HECW2: variants seen among roughly 807,000 people sequenced by gnomAD.
The protein encoded by HECW2 is E3 ubiquitin-protein ligase HECW2.
HECW2 carries 61 observed loss-of-function variants against 175.2 expected under a neutral mutation model. The ratio of observed to expected loss-of-function variants is 0.35; its 90% CI spans 0.28 to 0.43. The LOEUF is 0.43. HECW2 is among the 20% of genes least tolerant of loss of function. The pLI is 1.00. For synonymous variants in HECW2, 671 were observed against 731.0 expected (o/e 0.92, Z 1.32); for missense variants, 1,524 against 2,000.5 (o/e 0.76, Z 4.54).
At chr2:196,234,251 C>T (rs1251289041) in intron 21 of HECW2, among the ~76,000 whole-genome samples, 6 of 151,700 alleles carry the variant, frequency 4.0e-5, no homozygotes, top group Non-Finnish European at 5.9e-5. Context: ...TGGCCCCACG[C>T]CTTATCAGAA....
chr2:196,411,583 A>G (rs1306210010), intron 2 of HECW2, among the ~76,000 whole-genome samples: 2 of 152,260 alleles, frequency 1.3e-5, no homozygotes, highest in Non-Finnish European at 1.5e-5. Flanking sequence ...GAAATGCCCA[A>G]GCTCAGGAGA....
At chr2:196,486,628 C>T (rs1216290473) in intron 1 of HECW2, among the ~76,000 whole-genome samples, 1 of 152,158 alleles carries the variant, frequency 6.6e-6, no homozygotes, top group Non-Finnish European at 1.5e-5. Context: ...GAAGAAGACA[C>T]AGGGAATGAA....
intron 18 of HECW2, among the ~76,000 whole-genome samples, chr2:196,256,060 G>C (rs894390070): frequency 6.6e-6 from 1 of 152,094 alleles, no homozygotes; most frequent in Non-Finnish European, 1.5e-5. Flanking sequence ...GCAACAGAGC[G>C]AGACTGCACC....
At chr2:196,449,120 T>A (rs760532716) in intron 1 of HECW2, among the ~76,000 whole-genome samples, 3 of 152,134 alleles carry the variant, frequency 2.0e-5, no homozygotes, top group South Asian at 2.1e-4. Context: ...CCTAAAGATA[T>A]GGGGAAAAAG....
chr2:196,257,610 G>A (rs780048495), intron 18 of HECW2: 34 of 563,634 alleles, frequency 6.0e-5, no homozygotes, highest in Non-Finnish European at 1.0e-4. Context: ...CCAGCAGGGT[G>A]AAAACAAAAT....
At chr2:196,256,404 T>C (rs1054441724) in intron 18 of HECW2, among the ~76,000 whole-genome samples, 20 of 152,200 alleles carry the variant, frequency 1.3e-4, no homozygotes, top group Admixed American at 1.0e-3. Context: ...TGAATTCAAA[T>C]ACATTTGAAT....
intron 15 of HECW2, among the ~76,000 whole-genome samples, chr2:196,274,687 C>T (rs916521699): frequency 1.3e-5 from 2 of 152,296 alleles, no homozygotes; most frequent in Admixed American, 6.5e-5. Context: ...TACAACAGAT[C>T]TTTCTGGTTT....
At chr2:196,219,714 T>A (rs1003902818) in intron 26 of HECW2, among the ~76,000 whole-genome samples, 7 of 152,212 alleles carry the variant, frequency 4.6e-5, no homozygotes, top group Non-Finnish European at 8.8e-5. Flanking sequence ...AGGTGGAGTT[T>A]GACCAGCTGG....
At chr2:196,401,926 C>T (rs143054673) in intron 2 of HECW2, among the ~76,000 whole-genome samples, 5,269 of 151,986 alleles carry the variant, frequency 0.035, 91 homozygotes, top group Middle Eastern at 0.14. Context: ...ACTTGCCAGG[C>T]GCGGTGGCTC....
At chr2:196,548,067 C>T (rs1171306065) in intron 1 of HECW2, among the ~76,000 whole-genome samples, 1 of 152,128 alleles carries the variant, frequency 6.6e-6, no homozygotes, top group Non-Finnish European at 1.5e-5. Context: ...CAGTGGCTCA[C>T]ACCTGTAATC....
chr2:196,339,586 A>G (rs919124901), intron 3 of HECW2, among the ~76,000 whole-genome samples: 1 of 152,224 alleles, frequency 6.6e-6, no homozygotes, highest in Non-Finnish European at 1.5e-5. Context: ...ATATTTCAGG[A>G]TAGATGAGGA....
intron 28 of HECW2, among the ~76,000 whole-genome samples, chr2:196,204,347 T>C (rs1175117173): frequency 6.6e-6 from 1 of 152,152 alleles, no homozygotes; most frequent in Non-Finnish European, 1.5e-5. Context: ...TTTGTTTGTT[T>C]GTTTGTTTGT....
At chr2:196,433,109 C>T in intron 2 of HECW2, 23 bp downstream of exon 2, 1 of 1,577,342 alleles carries the variant, frequency 6.3e-7, no homozygotes, top group Non-Finnish European at 8.6e-7. Flanking sequence ...GAGTCACATG[C>T]AAGTCCATTC....
At chr2:196,541,173 C>T (rs887320672) in intron 1 of HECW2, among the ~76,000 whole-genome samples, 1 of 152,078 alleles carries the variant, frequency 6.6e-6, no homozygotes, top group African/African-American at 2.4e-5. Context: ...CACCTCTGTA[C>T]CTATCAGCTG....
At chr2:196,253,230 G>T (rs1688924450) in intron 19 of HECW2, among the ~76,000 whole-genome samples, 1 of 152,200 alleles carries the variant, frequency 6.6e-6, no homozygotes, top group Non-Finnish European at 1.5e-5. Flanking sequence ...ATCATTTTCA[G>T]TTCTGACAGC....
intron 19 of HECW2, among the ~76,000 whole-genome samples, chr2:196,249,972 CAT>C (rs1688795135): frequency 6.6e-6 from 1 of 152,236 alleles, no homozygotes; most frequent in South Asian, 2.1e-4. Flanking sequence ...AATGATTACT[CAT>C]GTGCATTTGC....
At position 196,307,169 on chromosome 2, in the gene HECW2, C is replaced by G. The variant is rs144712201; in HGVS notation, c.2650G>C (p.Gly884Arg). Reference sequence around the variant, plus strand: ...TGAAAGTCAGCTTCCTCCCCTGCCCCATCAATAGCATTGGTATTTTCCTCA... The same window carrying G: ...TGAAAGTCAGCTTCCTCCCCTGCCCGATCAATAGCATTGGTATTTTCCTCA... ...RPEENTNAIDGAGEEADFHQA... is the reference protein window; with the variant it reads ...RPEENTNAIDRAGEEADFHQA... Residue 884 changes from glycine to arginine, a missense_variant, in exon 12 of 29, where the codon GGG becomes CGG. Coordinates refer to ENST00000644978, the MANE Select transcript of HECW2 (RefSeq NM_001348768.2). 6.2e-6 allele frequency: 10 copies of G among 1,613,890 alleles called. No individual in the cohort carries two copies. Among genetic ancestry groups the G allele is most frequent in the Non-Finnish European group, 8.5e-6 (10 of 1,179,866 alleles).
rs950192265 is a variant in HECW2, at chr2:196,472,124, G to GA, written c.-35-38667dup. Among the ~76,000 whole-genome samples the GA allele has an allele frequency of 1.5e-4, 23 of 150,246 alleles. 1 individual carries two copies. In the South Asian group the frequency reaches 2.7e-3, roughly 18 times the overall value. ...CCATAATCAACCACATTTAGAGGGC[G>GA]AAAAAAAAATAGTTGTAGTCAAATG... On this transcript the variant is annotated intron_variant, in intron 1 of 28. Transcript: ENST00000644978.
chr2:196,292,638 A>G lies in HECW2; in HGVS notation c.2927T>C (p.Phe976Ser). ...CTGTTTGTTCGCGAACATGTTGAGG[A>G]ATCCCACAAGGTCGCGGTTATGCTG... ...RYQHNRDLVG[F>S]LNMFANKQLE... The change falls in exon 14 of 29, where the codon TTC becomes TCC. Residue 976 changes from phenylalanine (F) to serine (S), a missense_variant. Physicochemically the swap from Phe to Ser is radical, Grantham distance 155. Transcript: ENST00000644978. 1 of 1,614,168 alleles carries G rather than the reference A, an allele frequency of 6.2e-7. No homozygotes were observed.
Sources: gnomAD v4.1 joint callset for allele counts (sites outside exome capture counted in the v4.1 genomes callset) on GRCh38, gnomAD v4.1.1 for gene constraint, MANE v1.5 for transcripts, NCBI Gene and HGNC (gene_info 2026-07-23, HGNC 2026-07-21) for gene names.